Variants in HNMT observed in about 807,000 individuals in gnomAD.
HNMT encodes histamine N-methyltransferase.
Under a neutral mutation model 32.1 loss-of-function variants are expected in HNMT, and 30 were observed. The ratio of observed to expected loss-of-function variants is 0.93; its 90% CI spans 0.70 to 1.27. The LOEUF (loss-of-function observed/expected upper bound fraction) is 1.27, where lower values mean the gene tolerates loss of function less well. HNMT is among the 50% of genes most tolerant of loss of function. The probability of loss-of-function intolerance (pLI) is 0.00; values close to 1 mark genes in which losing one functional copy is unlikely to be tolerated. For synonymous variants in HNMT, 125 were observed against 119.0 expected (o/e 1.05, Z -0.33); for missense variants, 327 against 346.0 (o/e 0.95, Z 0.43).
intron 1 of HNMT, 112 bp from the exon 2 acceptor site, chr2:137,970,053 C>T (rs1383800502): frequency 7.1e-6 from 4 of 562,458 alleles, no homozygotes; most frequent in African/African-American, 3.8e-5. Flanking sequence ...TCATGTTGGC[C>T]TAGTTTTCAT....
chr2:137,965,314 A>G (rs1290380218), intron 1 of HNMT, among the ~76,000 whole-genome samples: 1 of 152,182 alleles, frequency 6.6e-6, no homozygotes, highest in Non-Finnish European at 1.5e-5. Context: ...CAGATTCCAC[A>G]TGCTAAAGAT....
At chr2:137,997,303 CA>C (rs1161651241) in intron 2 of HNMT, among the ~76,000 whole-genome samples, 5 of 151,616 alleles carry the variant, frequency 3.3e-5, no homozygotes, top group Admixed American at 2.0e-4. Flanking sequence ...CCAGAATTTA[CA>C]AGGAACTTAA....
intron 1 of HNMT, among the ~76,000 whole-genome samples, chr2:137,964,846 G>C (rs902156549): frequency 1.3e-5 from 2 of 152,138 alleles, no homozygotes; most frequent in African/African-American, 4.8e-5. Flanking sequence ...TCCCATTTGT[G>C]TTGTATTTCC....
At chr2:137,995,132 C>G (rs1680950065) in intron 2 of HNMT, among the ~76,000 whole-genome samples, 1 of 151,530 alleles carries the variant, frequency 6.6e-6, no homozygotes, top group Non-Finnish European at 1.5e-5. Context: ...CAAATGAATC[C>G]AAAAGCTGGC....
intron 2 of HNMT, among the ~76,000 whole-genome samples, chr2:137,989,157 A>G (rs945819261): frequency 6.6e-6 from 1 of 152,184 alleles, no homozygotes; most frequent in Non-Finnish European, 1.5e-5. Flanking sequence ...ACAAATGTAT[A>G]AAGACATGTA....
At chr2:137,981,409 GTCA>G in intron 2 of HNMT, 1 of 1,574,156 alleles carries the variant, frequency 6.4e-7, no homozygotes, top group Non-Finnish European at 8.7e-7. Flanking sequence ...TCTTTTAAGT[GTCA>G]TCTTTTCCAT....
intron 2 of HNMT, among the ~76,000 whole-genome samples, chr2:137,999,975 G>A (rs1573671058): frequency 6.6e-6 from 1 of 150,798 alleles, no homozygotes; most frequent in Non-Finnish European, 1.5e-5. Context: ...CGTATACACC[G>A]AGTAAGTGAA....
At chr2:138,007,316 A>G (rs1043031927) in intron 5 of HNMT, among the ~76,000 whole-genome samples, 1 of 152,038 alleles carries the variant, frequency 6.6e-6, no homozygotes, top group African/African-American at 2.4e-5. Context: ...AATGCTAAGA[A>G]AATAAATAAA....
At chr2:138,009,418 C>T (rs998868368) in intron 5 of HNMT, among the ~76,000 whole-genome samples, 23 of 151,900 alleles carry the variant, frequency 1.5e-4, no homozygotes, top group African/African-American at 4.8e-4. Flanking sequence ...CCCTTTTGTT[C>T]TATTTCTATC....
At chr2:138,002,397 C>T in intron 4 of HNMT, 1 of 996,208 alleles carries the variant, frequency 1.0e-6, no homozygotes, top group Non-Finnish European at 1.2e-6. Flanking sequence ...AACCAGTTTT[C>T]TCTAATCAAA....
At chr2:138,001,658 A>G (rs1397983028) in intron 3 of HNMT, among the ~76,000 whole-genome samples, 2 of 152,148 alleles carry the variant, frequency 1.3e-5, no homozygotes, top group South Asian at 2.1e-4. Context: ...GTAGAACGAT[A>G]TATGTTTTTA....
rs988431799 is a variant in HNMT, at chr2:137,999,622, A to G, written c.191-1296A>G. 3.9e-5 allele frequency among the ~76,000 whole-genome samples: 6 copies of G among 152,160 alleles called. No homozygotes were observed. In the South Asian group the frequency reaches 8.3e-4, roughly 21 times the overall value. ...GTTTCTGCTAATGTCATTTATGCCA[A>G]ATGTTAAAGACTAACATCATTTTCC... On this transcript the variant is annotated intron_variant, in intron 2 of 5. Transcript: ENST00000280097.
At chr2:137,993,525 TCATA>T (rs1282782210) in intron 2 of HNMT, among the ~76,000 whole-genome samples, 1 of 151,938 alleles carries the variant, frequency 6.6e-6, no homozygotes, top group African/African-American at 2.4e-5. Context: ...ATATGAGACT[TCATA>T]AGAAGACCAA....
chr2:137,992,164 C>T (rs1025351561), intron 2 of HNMT, among the ~76,000 whole-genome samples: 3 of 152,234 alleles, frequency 2.0e-5, no homozygotes, highest in Non-Finnish European at 4.4e-5. Flanking sequence ...CTCTTAGCTT[C>T]TCGGTTGGAA....
At chr2:137,992,972 A>C (rs1025446789) in intron 2 of HNMT, among the ~76,000 whole-genome samples, 1 of 152,166 alleles carries the variant, frequency 6.6e-6, no homozygotes, top group South Asian at 2.1e-4. Context: ...TGAAAGAAAA[A>C]AAACAAGCAG....
intron 2 of HNMT, chr2:137,981,491 CT>C: frequency 1.1e-6 from 1 of 898,032 alleles, no homozygotes; most frequent in South Asian, 1.7e-5. Context: ...TTCTTTGTTG[CT>C]TTGGTTTTCT....
At chr2:137,994,437 C>T (rs996413431) in intron 2 of HNMT, among the ~76,000 whole-genome samples, 3 of 152,118 alleles carry the variant, frequency 2.0e-5, no homozygotes, top group Non-Finnish European at 4.4e-5. Context: ...AAGGGCATTA[C>T]ATAAGGTAAA....
chr2:137,995,904 C>A (rs556494207), intron 2 of HNMT, among the ~76,000 whole-genome samples: 1 of 151,982 alleles, frequency 6.6e-6, no homozygotes, highest in South Asian at 2.1e-4. Context: ...ATAAACAGAC[C>A]GAAAGACAAA....
chr2:137,998,513 T>C (rs1253023503), intron 2 of HNMT, among the ~76,000 whole-genome samples: 2 of 152,182 alleles, frequency 1.3e-5, no homozygotes. Flanking sequence ...TAATTGACTC[T>C]TAAGGAAATA....
Sources: gnomAD v4.1 joint callset for allele counts (sites outside exome capture counted in the v4.1 genomes callset) on GRCh38, gnomAD v4.1.1 for gene constraint, MANE v1.5 for transcripts, NCBI Gene and HGNC (gene_info 2026-07-23, HGNC 2026-07-21) for gene names.